The following KCND2 variants were observed in gnomAD, a reference collection of about 807,000 sequenced individuals.
The protein encoded by KCND2 is potassium voltage-gated channel subfamily D member 2.
A neutral mutation model predicts 54.4 loss-of-function variants in KCND2; 16 were observed. The ratio of observed to expected loss-of-function variants is 0.29; its 90% CI spans 0.20 to 0.45. The LOEUF (loss-of-function observed/expected upper bound fraction) is 0.45. KCND2 is among the 20% of genes least tolerant of loss of function. The pLI is 1.00. For missense variants in KCND2, 486 were observed against 824.2 expected (o/e 0.59, Z 5.02); for synonymous variants, 317 against 310.7 (o/e 1.02, Z -0.21).
chr7:120,429,861 A>C (rs1279922186), intron 1 of KCND2, among the ~76,000 whole-genome samples: 2 of 152,190 alleles, frequency 1.3e-5, no homozygotes, highest in Non-Finnish European at 2.9e-5. Context: ...ACGTTTTAAA[A>C]AAATATATTA....
chr7:120,309,194 G>A (rs1292253758), intron 1 of KCND2, among the ~76,000 whole-genome samples: 2 of 151,974 alleles, frequency 1.3e-5, no homozygotes, highest in African/African-American at 4.8e-5. Context: ...TAGACCTTGC[G>A]ATCCCACTGA....
At chr7:120,486,396 GA>G (rs1419152891) in intron 1 of KCND2, among the ~76,000 whole-genome samples, 3 of 152,080 alleles carry the variant, frequency 2.0e-5, no homozygotes, top group African/African-American at 2.4e-5. Flanking sequence ...CCAAACCTTA[GA>G]AAAACTCAGG....
intron 1 of KCND2, among the ~76,000 whole-genome samples, chr7:120,416,906 C>T (rs1002768529): frequency 3.3e-5 from 5 of 152,208 alleles, no homozygotes; most frequent in Non-Finnish European, 5.9e-5. Flanking sequence ...AGTGCAGTGG[C>T]GCAATCTCAG....
chr7:120,450,502 A>T (rs965537980), intron 1 of KCND2, among the ~76,000 whole-genome samples: 1 of 152,178 alleles, frequency 6.6e-6, no homozygotes, highest in Admixed American at 6.5e-5. Context: ...CAGGAAAACT[A>T]GCAGAGAAGG....
At chr7:120,480,624 A>G (rs566182389) in intron 1 of KCND2, among the ~76,000 whole-genome samples, 1 of 152,282 alleles carries the variant, frequency 6.6e-6, no homozygotes, top group Admixed American at 6.5e-5. Flanking sequence ...ATTCCTGATA[A>G]AACGATCAGT....
chr7:120,362,046 G>A (rs141628824), intron 1 of KCND2, among the ~76,000 whole-genome samples: 1,558 of 152,094 alleles, frequency 0.01, 49 homozygotes, highest in Non-Finnish European at 7.0e-3. Context: ...TCTATAGCTA[G>A]GAAGTTATAA....
intron 1 of KCND2, among the ~76,000 whole-genome samples, chr7:120,344,014 A>T (rs73431937): frequency 0.013 from 2,049 of 152,280 alleles, 47 homozygotes; most frequent in African/African-American, 0.044. Context: ...GATTTTTCCA[A>T]GGAATCATAG....
intron 1 of KCND2, among the ~76,000 whole-genome samples, chr7:120,432,231 A>G (rs7793900): frequency 0.32 from 49,030 of 152,036 alleles, 10,928 homozygotes; most frequent in African/African-American, 0.62. Flanking sequence ...ACTCCCCTCA[A>G]GACATATTCT....
At chr7:120,302,600 T>G (rs1799603099) in intron 1 of KCND2, among the ~76,000 whole-genome samples, 1 of 152,144 alleles carries the variant, frequency 6.6e-6, no homozygotes, top group South Asian at 2.1e-4. Flanking sequence ...TTAAACACAC[T>G]ATTAAAAGGG....
chr7:120,693,401 T>C (rs1177698085), intron 1 of KCND2, among the ~76,000 whole-genome samples: 1 of 152,196 alleles, frequency 6.6e-6, no homozygotes, highest in African/African-American at 2.4e-5. Flanking sequence ...ATGAGGACAG[T>C]GATCGTTCTC....
At chr7:120,511,023 C>T (rs1233419481) in intron 1 of KCND2, among the ~76,000 whole-genome samples, 3 of 145,830 alleles carry the variant, frequency 2.1e-5, no homozygotes, top group Non-Finnish European at 3.0e-5. Context: ...CTCTCTCTCT[C>T]TCACACACAC....
At chr7:120,601,623 A>G (rs543953381) in intron 1 of KCND2, among the ~76,000 whole-genome samples, 1 of 152,298 alleles carries the variant, frequency 6.6e-6, no homozygotes, top group South Asian at 2.1e-4. Context: ...GTGGCAGCTA[A>G]AGAAGTCTAA....
intron 1 of KCND2, among the ~76,000 whole-genome samples, chr7:120,592,877 CA>C (rs1475869707): frequency 6.6e-6 from 1 of 152,074 alleles, no homozygotes; most frequent in Non-Finnish European, 1.5e-5. Flanking sequence ...TTTTTTAATA[CA>C]TTTATTTTAT....
intron 1 of KCND2, among the ~76,000 whole-genome samples, chr7:120,678,343 T>TTATTTATATA (rs1554385190): frequency 2.5e-5 from 3 of 120,274 alleles, no homozygotes; most frequent in African/African-American, 9.5e-5. Flanking sequence ...GTATGATTAT[T>TTATTTATATA]TATATATATA....
At chr7:120,372,813 T>G (rs1325076744) in intron 1 of KCND2, among the ~76,000 whole-genome samples, 1 of 151,936 alleles carries the variant, frequency 6.6e-6, no homozygotes, top group East Asian at 1.9e-4. Flanking sequence ...CTGCTAAATT[T>G]AGTACTGTCA....
intron 1 of KCND2, among the ~76,000 whole-genome samples, chr7:120,630,386 C>T (rs1449522087): frequency 1.3e-5 from 2 of 152,126 alleles, no homozygotes; most frequent in African/African-American, 4.8e-5. Flanking sequence ...AAAAAGCCTC[C>T]TTTTTTCCCC....
At chr7:120,402,048 G>A (rs1801262755) in intron 1 of KCND2, among the ~76,000 whole-genome samples, 1 of 152,152 alleles carries the variant, frequency 6.6e-6, no homozygotes, top group African/African-American at 2.4e-5. Context: ...TAAGAAAAGG[G>A]TGACAAAATG....
chr7:120,629,644 G>A (rs757204375), intron 1 of KCND2, among the ~76,000 whole-genome samples: 44 of 152,206 alleles, frequency 2.9e-4, no homozygotes, highest in South Asian at 4.1e-4. Flanking sequence ...TGGGGTCAAG[G>A]TGGACGCTGC....
chr7:120,681,572 C>G (rs943177526), intron 1 of KCND2, among the ~76,000 whole-genome samples: 3 of 151,790 alleles, frequency 2.0e-5, no homozygotes, highest in Admixed American at 1.3e-4. Flanking sequence ...ATTCACCAAC[C>G]ACAAAATGAA....
Sources: gnomAD v4.1 joint callset for allele counts (sites outside exome capture counted in the v4.1 genomes callset) on GRCh38, gnomAD v4.1.1 for gene constraint, MANE v1.5 for transcripts, NCBI Gene and HGNC (gene_info 2026-07-23, HGNC 2026-07-21) for gene names.